The following KCTD16 variants were observed in gnomAD, a reference collection of about 807,000 sequenced individuals.
KCTD16 encodes the protein BTB/POZ domain-containing protein KCTD16.
Under a neutral mutation model 33.2 loss-of-function variants are expected in KCTD16, and 13 were observed. The ratio of observed to expected loss-of-function variants is 0.39; its 90% confidence interval spans 0.25 to 0.62. The LOEUF (loss-of-function observed/expected upper bound fraction) is 0.62, where lower values mean the gene tolerates loss of function less well. Ranked by LOEUF, KCTD16 falls within the 20% of genes least tolerant of loss-of-function variation. The probability of loss-of-function intolerance (pLI) is 0.50; values close to 1 mark genes in which losing one functional copy is unlikely to be tolerated. For synonymous variants in KCTD16, 197 were observed against 195.3 expected (o/e 1.01, Z -0.07); for missense variants, 441 against 525.1 (o/e 0.84, Z 1.57).
intron 3 of KCTD16, among the ~76,000 whole-genome samples, chr5:144,423,701 A>G (rs1024613221): frequency 3.3e-5 from 5 of 152,188 alleles, no homozygotes; most frequent in African/African-American, 1.2e-4. Context: ...GAACTAACCC[A>G]GTGGAGATGA....
intron 3 of KCTD16, among the ~76,000 whole-genome samples, chr5:144,280,286 A>G (rs1370038238): frequency 6.6e-6 from 1 of 152,170 alleles, no homozygotes; most frequent in Non-Finnish European, 1.5e-5. Context: ...ATTTACCAGT[A>G]TAACCATCTG....
At chr5:144,456,836 G>A (rs962012186) in intron 3 of KCTD16, among the ~76,000 whole-genome samples, 4 of 150,790 alleles carry the variant, frequency 2.7e-5, no homozygotes, top group Admixed American at 2.6e-4. Context: ...ATAAAGATGA[G>A]TATTTGAAAA....
rs1334179460 is a variant in KCTD16 at position 144,475,185 on chromosome 5, T to G, written c.*1071T>G. On this transcript the variant is annotated 3_prime_UTR_variant, in exon 4 of 4. Transcript: ENST00000512467. The stretch of plus-strand genomic sequence containing the variant: ...ACAACACACAGTACTTGAATAAGGG[T>G]CCGGCCTTTTGTTTGTTTTAGAGAA... 1 of 152,168 alleles carries G rather than the reference T, an allele frequency of 6.6e-6. No homozygotes were observed. The highest frequency in any genetic ancestry group is 1.5e-5 in the Non-Finnish European group (1 of 68,020). 9.4% of individuals were successfully genotyped at this position (152,168 alleles called of 1,614,324 possible).
At chr5:144,316,103 A>T (rs1751905351) in intron 3 of KCTD16, among the ~76,000 whole-genome samples, 1 of 152,128 alleles carries the variant, frequency 6.6e-6, no homozygotes, top group African/African-American at 2.4e-5. Context: ...GTAATTTTAA[A>T]ATAAACTGGG....
intron 3 of KCTD16, among the ~76,000 whole-genome samples, chr5:144,449,788 A>G (rs1753900264): frequency 6.6e-6 from 1 of 152,004 alleles, no homozygotes; most frequent in South Asian, 2.1e-4. Flanking sequence ...TACACCATAG[A>G]CAAAAAATCA....
intron 3 of KCTD16, among the ~76,000 whole-genome samples, chr5:144,394,637 A>G (rs1383111831): frequency 6.6e-6 from 1 of 152,200 alleles, no homozygotes; most frequent in Non-Finnish European, 1.5e-5. Context: ...TGAATGGATC[A>G]TGGGGATGGG....
At position 144,212,397 on chromosome 5, in the gene KCTD16, T is replaced by G. The variant is rs540237897; in HGVS notation, c.832+4851T>G. Among the ~76,000 whole-genome samples the G allele has an allele frequency of 7.4e-4, 113 of 152,256 alleles. 1 individual carries two copies. In the South Asian group the frequency reaches 0.023, roughly 31 times the overall value. On this transcript the variant is annotated intron_variant, in intron 3 of 3. Transcript: ENST00000512467. The stretch of plus-strand genomic sequence containing the variant: ...GGGTCTGTGGCATCAGGGAAGGTAT[T>G]TGGCAGCAAGAATTGTGTCAATGTA...
Position 144,194,809 on chromosome 5 carries a change from A to G in KCTD16, c.-326-11580A>G, listed in dbSNP as rs932252215. 2.0e-5 allele frequency among the ~76,000 whole-genome samples: 3 copies of G among 152,226 alleles called. No individual in the cohort carries two copies. The East Asian group carries it at 5.8e-4, about 29-fold the overall frequency. On this transcript the variant is annotated intron_variant, in intron 2 of 3. Coordinates refer to ENST00000512467, the MANE Select transcript of KCTD16 (RefSeq NM_020768.4). ...TCTGATCCCAAAGCCCACCCTTTTA[A>G]CCATGATGCTCTATTGCTTCTCTGT...
At chr5:144,279,079 G>A (rs1275353975) in intron 3 of KCTD16, among the ~76,000 whole-genome samples, 1 of 152,088 alleles carries the variant, frequency 6.6e-6, no homozygotes, top group African/African-American at 2.4e-5. Context: ...TTTTTAAAAA[G>A]TTGTTTTCCA....
At chr5:144,299,489 G>C (rs1356281928) in intron 3 of KCTD16, among the ~76,000 whole-genome samples, 1 of 151,698 alleles carries the variant, frequency 6.6e-6, no homozygotes, top group African/African-American at 2.4e-5. Flanking sequence ...ATTTTTCCAT[G>C]GGAGTAATTG....
Position 144,321,652 on chromosome 5 carries a change from T to C in KCTD16, c.832+114106T>C, listed in dbSNP as rs896046723. Reference sequence around the variant, plus strand: ...AGTTTGATTTGACGGCCTTATTCTATTAGATAAGATGTGTTAATTACCCTG... The same window carrying C: ...AGTTTGATTTGACGGCCTTATTCTACTAGATAAGATGTGTTAATTACCCTG... On this transcript the variant is annotated intron_variant, in intron 3 of 3. Transcript: ENST00000512467. Among the ~76,000 whole-genome samples the C allele has an allele frequency of 4.6e-5, 7 of 152,192 alleles. No homozygotes were observed. The East Asian group carries it at 1.2e-3, about 25-fold the overall frequency.
intron 3 of KCTD16, among the ~76,000 whole-genome samples, chr5:144,361,048 TC>T (rs1200058417): frequency 1.9e-5 from 2 of 104,554 alleles, no homozygotes; most frequent in African/African-American, 3.7e-5. Context: ...ATGCTATCCC[TC>T]CCCCCTCCCC....
At position 144,280,411 on chromosome 5, in the gene KCTD16, A is replaced by G. The variant is rs189522185; in HGVS notation, c.832+72865A>G. On this transcript the variant is annotated intron_variant, in intron 3 of 3. Transcript: ENST00000512467. ...TGTCTAGAGTAAGTTTTGGCAGTGT[A>G]TCTTTTAACTGGCACATTTTATCTA... 1.9e-4 allele frequency among the ~76,000 whole-genome samples: 29 copies of G among 152,306 alleles called. No individual in the cohort carries two copies. In the East Asian group the frequency reaches 4.4e-3, roughly 23 times the overall value.
At chr5:144,336,022 TA>T (rs1752482184) in intron 3 of KCTD16, among the ~76,000 whole-genome samples, 1 of 152,180 alleles carries the variant, frequency 6.6e-6, no homozygotes, top group Non-Finnish European at 1.5e-5. Context: ...CAGAGGCACA[TA>T]ATGGAGATGC....
chr5:144,390,123 C>T (rs1752415880), intron 3 of KCTD16, among the ~76,000 whole-genome samples: 1 of 152,152 alleles, frequency 6.6e-6, no homozygotes. Context: ...ATATTTTATG[C>T]AGCTCTTTTA....
intron 3 of KCTD16, among the ~76,000 whole-genome samples, chr5:144,272,964 T>TA (rs1755341117): frequency 6.6e-6 from 1 of 151,536 alleles, no homozygotes; most frequent in African/African-American, 2.4e-5. Context: ...GGCAACAAAA[T>TA]AAAAAAATAT....
intron 3 of KCTD16, among the ~76,000 whole-genome samples, chr5:144,471,123 T>C (rs1580990389): frequency 6.6e-6 from 1 of 152,078 alleles, no homozygotes. Context: ...GAGGTTGCAG[T>C]GAACTGAGAT....
At chr5:144,306,177 G>A (rs1387835788) in intron 3 of KCTD16, among the ~76,000 whole-genome samples, 1 of 152,204 alleles carries the variant, frequency 6.6e-6, no homozygotes, top group African/African-American at 2.4e-5. Context: ...GTTTATAAGT[G>A]GATCCAAGTA....
intron 3 of KCTD16, among the ~76,000 whole-genome samples, chr5:144,377,136 C>T (rs1197362765): frequency 1.3e-5 from 2 of 152,200 alleles, no homozygotes; most frequent in Non-Finnish European, 2.9e-5. Context: ...CAATGCTGGC[C>T]ATCCTTCATG....
Sources: allele counts gnomAD v4.1 joint callset (sites outside exome capture counted in the v4.1 genomes callset), GRCh38; gene constraint gnomAD v4.1.1; transcripts MANE v1.5; gene names NCBI Gene and HGNC (gene_info 2026-07-23, HGNC 2026-07-21).